The following NRP1 variants were observed in gnomAD, a reference collection of about 807,000 sequenced individuals.
NRP1 encodes neuropilin 1.
Under a neutral mutation model 106.7 loss-of-function variants are expected in NRP1, and 35 were observed. The observed-to-expected ratio is 0.33, with a 90% CI of 0.25 to 0.43. NRP1 has a LOEUF of 0.43. Among genes scored for constraint, NRP1 ranks in the 20% least tolerant of loss-of-function variants. The probability of loss-of-function intolerance (pLI) is 1.00; values close to 1 mark genes in which losing one functional copy is unlikely to be tolerated. For missense variants in NRP1, 1,024 were observed against 1,170.4 expected (o/e 0.87, Z 1.83); for synonymous variants, 437 against 417.9 (o/e 1.05, Z -0.56).
In NRP1 at chr10:33,186,326, T is replaced by G; in HGVS notation, c.2225A>C (p.Tyr742Ser). The change falls in exon 14 of 17, where the codon TAC (tyrosine) becomes TCC (serine). Residue 742 changes from tyrosine (Y) to serine (S), a missense_variant. By Grantham distance (144) the Tyr-to-Ser change is moderately radical. Transcript: ENST00000374867. Reference sequence around the variant, plus strand: ...CTGATCGTACTCCTCTGGCTTCTGGTAGCGCAGTTTGACCCTGAGTGTGCC... The same window carrying G: ...CTGATCGTACTCCTCTGGCTTCTGGGAGCGCAGTTTGACCCTGAGTGTGCC... ...HVGTLRVKLR[Y>S]QKPEEYDQLV... 2 of 1,614,146 alleles carry G rather than the reference T, an allele frequency of 1.2e-6. No homozygotes were observed. The highest frequency in any genetic ancestry group is 1.7e-6 in the Non-Finnish European group (2 of 1,180,028).
At chr10:33,239,585 T>C (rs1840852644) in intron 6 of NRP1, among the ~76,000 whole-genome samples, 1 of 152,206 alleles carries the variant, frequency 6.6e-6, no homozygotes, top group Admixed American at 6.5e-5. Flanking sequence ...CTTTGAAAAG[T>C]TCACCACTTA....
intron 2 of NRP1, among the ~76,000 whole-genome samples, chr10:33,277,875 T>C (rs1187254121): frequency 2.0e-5 from 3 of 152,202 alleles, no homozygotes; most frequent in Non-Finnish European, 4.4e-5. Context: ...CACTCATTCA[T>C]TCATTCATTT....
intron 2 of NRP1, among the ~76,000 whole-genome samples, chr10:33,293,775 A>C (rs1366939154): frequency 1.3e-5 from 2 of 152,296 alleles, no homozygotes; most frequent in Non-Finnish European, 2.9e-5. Flanking sequence ...AACCCAATAA[A>C]ATTCTTTAAA....
rs558772513 is a variant in NRP1 at position 33,285,369 on chromosome 10, A to G, written c.249-14513T>C. On this transcript the variant is annotated intron_variant, in intron 2 of 16. Coordinates refer to ENST00000374867, the MANE Select transcript of NRP1 (RefSeq NM_003873.7). ...AGCCCAGAACACTCAATGGAGTGGA[A>G]CAATATTTCAGATCCAGTTATAATA... is the stretch of plus-strand genomic sequence containing the variant. Among the ~76,000 whole-genome samples the G allele has an allele frequency of 2.4e-4, 36 of 152,368 alleles. 1 individual carries two copies. Among genetic ancestry groups the G allele is most frequent in the Non-Finnish European group, 4.0e-4 (27 of 68,036 alleles).
At chr10:33,205,868 G>T in intron 10 of NRP1, 1 of 179,434 alleles carries the variant, frequency 5.6e-6, no homozygotes, top group Non-Finnish European at 1.2e-5. Flanking sequence ...CCAATTTTGT[G>T]GCTAATTTGT....
At chr10:33,279,115 A>G (rs1333059289) in intron 2 of NRP1, among the ~76,000 whole-genome samples, 1 of 152,188 alleles carries the variant, frequency 6.6e-6, no homozygotes, top group Non-Finnish European at 1.5e-5. Flanking sequence ...TTGGAAGGGG[A>G]GAAACCAAGG....
intron 2 of NRP1, among the ~76,000 whole-genome samples, chr10:33,312,020 G>A (rs969238070): frequency 6.6e-6 from 1 of 152,142 alleles, no homozygotes; most frequent in Non-Finnish European, 1.5e-5. Context: ...AATAACTTTA[G>A]AAGTTAGTCC....
chr10:33,189,910 C>G lies in NRP1; in HGVS notation c.2062+2371G>C, dbSNP rs576541231. Among the ~76,000 whole-genome samples the G allele has an allele frequency of 1.4e-4, 22 of 152,292 alleles. No homozygotes were observed. The South Asian group carries it at 4.6e-3, about 32-fold the overall frequency. On this transcript the variant is annotated intron_variant, in intron 13 of 16. Transcript: ENST00000374867. ...CAAGTAGTTCCTGCCTTTCAGATGT[C>G]GGGCTCACCCATCTCTCTACACAAA...
chr10:33,264,474 G>C (rs751499111), intron 3 of NRP1, among the ~76,000 whole-genome samples: 59 of 152,292 alleles, frequency 3.9e-4, no homozygotes, highest in Non-Finnish European at 6.8e-4. Context: ...TGTTAGTGAG[G>C]GCACGATAAA....
chr10:33,319,871 C>A (rs1847351563), intron 2 of NRP1, among the ~76,000 whole-genome samples: 1 of 151,672 alleles, frequency 6.6e-6, no homozygotes, highest in African/African-American at 2.4e-5. Flanking sequence ...CAGGCCTGAG[C>A]CACCGCGCCC....
intron 1 of NRP1, among the ~76,000 whole-genome samples, chr10:33,332,324 T>C (rs866150756): frequency 1.7e-4 from 26 of 152,314 alleles, no homozygotes; most frequent in Middle Eastern, 6.8e-3. Context: ...AATGATCATG[T>C]TGGACTCTGT....
intron 13 of NRP1, among the ~76,000 whole-genome samples, chr10:33,188,365 C>T (rs1174940260): frequency 6.6e-6 from 1 of 152,108 alleles, no homozygotes; most frequent in Admixed American, 6.5e-5. Context: ...CTCAACTGCA[C>T]CATAATCACT....
At position 33,197,671 on chromosome 10, in the gene NRP1, T is replaced by C. The variant is rs550087163; in HGVS notation, c.1903A>G (p.Ile635Val). The change falls in exon 12 of 17, where the codon ATA becomes GTA. Residue 635 changes from isoleucine (I) to valine (V), a missense_variant. By Grantham distance (29) the Ile-to-Val change is conservative. This residue lies in a region of NRP1 where 562 missense variants were observed against 620.3 expected (regional missense o/e 0.91). Coordinates refer to ENST00000374867, the MANE Select transcript of NRP1 (RefSeq NM_003873.7). The part of the protein sequence containing the change: ...TVLATEKPTV[I>V]DSTIQSEFPT... ...ATACCTGATTGTATGGTGCTGTCTA[T>C]GACCGTGGGCTTTTCTGTGGCCAGC... is the stretch of plus-strand genomic sequence containing the variant. 4.4e-6 allele frequency: 7 copies of C among 1,607,100 alleles called. No individual in the cohort carries two copies. The Admixed American group carries it at 6.8e-5, about 16-fold the overall frequency.
chr10:33,250,605 C>T (rs912717268), intron 6 of NRP1, among the ~76,000 whole-genome samples: 1 of 152,196 alleles, frequency 6.6e-6, no homozygotes, highest in African/African-American at 2.4e-5. Flanking sequence ...ATCCTGCATA[C>T]TGTAATATAA....
intron 9 of NRP1, chr10:33,211,377 G>C (rs1008221019): frequency 6.6e-6 from 1 of 152,186 alleles, no homozygotes; most frequent in Non-Finnish European, 1.5e-5. Flanking sequence ...AGAGCTCACT[G>C]CTTCTCAGAA....
intron 2 of NRP1, among the ~76,000 whole-genome samples, chr10:33,271,476 C>T (rs561556142): frequency 2.6e-5 from 4 of 152,294 alleles, no homozygotes; most frequent in South Asian, 2.1e-4. Context: ...GATTCTAGAG[C>T]ATAATTTCTC....
At chr10:33,261,797 C>T (rs1000464352) in intron 4 of NRP1, among the ~76,000 whole-genome samples, 4 of 151,992 alleles carry the variant, frequency 2.6e-5, no homozygotes, top group African/African-American at 7.2e-5. Flanking sequence ...GTGCAGTGGC[C>T]ATGATCTCGG....
intron 5 of NRP1, 58 bp downstream of exon 5, chr10:33,256,258 G>A: frequency 6.5e-7 from 1 of 1,546,566 alleles, no homozygotes; most frequent in South Asian, 1.1e-5. Flanking sequence ...GCAGGTGTGT[G>A]AGCAGGAATA....
chr10:33,299,366 C>T (rs1845639222), intron 2 of NRP1, among the ~76,000 whole-genome samples: 1 of 152,178 alleles, frequency 6.6e-6, no homozygotes, highest in Admixed American at 6.5e-5. Flanking sequence ...GCTGCTGAAA[C>T]AGGCCCTTCA....
Sources: allele counts gnomAD v4.1 joint callset (sites outside exome capture counted in the v4.1 genomes callset), GRCh38; gene constraint gnomAD v4.1.1; regional missense constraint gnomAD v4.1.1; transcripts MANE v1.5; gene names NCBI Gene and HGNC (gene_info 2026-07-23, HGNC 2026-07-21).